Variants in MUCL1 observed in about 807,000 individuals in gnomAD.
MUCL1 encodes the protein mucin like 1, also known as mucin-like protein 1.
A neutral mutation model predicts 9.2 loss-of-function variants in MUCL1; 11 were observed. That is an observed-to-expected ratio of 1.19 (90% confidence interval 0.75 to 1.97). MUCL1 has a LOEUF of 1.97. Among genes scored for constraint, MUCL1 ranks in the 30% most tolerant of loss-of-function variants. The pLI, the probability that MUCL1 is intolerant of heterozygous loss-of-function variation, is 0.00. For synonymous variants in MUCL1, 48 were observed against 40.5 expected, an observed-to-expected ratio of 1.19 and a Z score of -0.71; for missense variants, 144 against 110.9, an observed-to-expected ratio of 1.30 and a Z score of -1.34.
chr12:54,837,980 T>C (rs894622978), upstream of MUCL1, among the ~76,000 whole-genome samples: 7 of 152,218 alleles, frequency 4.6e-5, no homozygotes, highest in African/African-American at 1.7e-4. Context: ...ATATTGATTG[T>C]TACCTTGATA....
upstream of MUCL1, among the ~76,000 whole-genome samples, chr12:54,838,495 T>C (rs1039051690): frequency 2.0e-5 from 3 of 152,220 alleles, no homozygotes; most frequent in African/African-American, 7.2e-5. Context: ...CCAGGGAAGC[T>C]TTCCTCAATT....
chr12:54,848,765 T>C (rs1959293475), intron 1 of MUCL1, among the ~76,000 whole-genome samples: 1 of 152,172 alleles, frequency 6.6e-6, no homozygotes, highest in African/African-American at 2.4e-5. Context: ...TGAGATAACC[T>C]TTACTACTTG....
intron 1 of MUCL1, among the ~76,000 whole-genome samples, chr12:54,844,368 T>G (rs1247573736): frequency 6.6e-6 from 1 of 152,302 alleles, no homozygotes; most frequent in East Asian, 1.9e-4. Flanking sequence ...TGAGGAACAA[T>G]GCCCTTATGA....
At chr12:54,857,944 G>C (rs919891157) in intron 3 of MUCL1, among the ~76,000 whole-genome samples, 1 of 152,102 alleles carries the variant, frequency 6.6e-6, no homozygotes, top group South Asian at 2.1e-4. Context: ...AAACTCATAC[G>C]TATTGACTTT....
chr12:54,856,963 A>T, intron 3 of MUCL1, 71 bp downstream of exon 3: 1 of 1,602,182 alleles, frequency 6.2e-7, no homozygotes. Flanking sequence ...CTATTCTCAC[A>T]GAGACTCTAT....
At chr12:54,852,902 C>G (rs957967237), upstream of MUCL1, among the ~76,000 whole-genome samples, 1 of 151,876 alleles carries the variant, frequency 6.6e-6, no homozygotes, top group African/African-American at 2.4e-5. Context: ...TTTTTCTTAG[C>G]GTTATTTATG....
Position 54,857,231 on chromosome 12 carries a change from AGTGTGTGTGT to A in MUCL1, c.223+368_223+377del, listed in dbSNP as rs34504933. ...TTATTATTATTTTTTTAAATCAGGT[AGTGTGTGTGT>A]GTGTGTGTGTGTGTGTGTGTGTGTG... On this transcript the variant is annotated intron_variant, in intron 3 of 3. Transcript: ENST00000308796. Among the ~76,000 whole-genome samples, 998 of 142,552 alleles carry A rather than the reference AGTGTGTGTGT, an allele frequency of 7.0e-3. 7 individuals are homozygous for A. Among genetic ancestry groups the A allele is most frequent in the African/African-American group, 0.024 (933 of 39,134 alleles). The allele number at this position is 142,552 out of a possible 152,430, so 93.5% of individuals were successfully genotyped here.
intron 1 of MUCL1, among the ~76,000 whole-genome samples, chr12:54,847,680 G>T (rs892889776): frequency 3.3e-5 from 5 of 152,126 alleles, no homozygotes; most frequent in Non-Finnish European, 5.9e-5. Flanking sequence ...CAAATATCAG[G>T]CAATAATGGG....
intron 1 of MUCL1, among the ~76,000 whole-genome samples, chr12:54,849,185 C>T (rs572025886): frequency 6.6e-6 from 1 of 152,152 alleles, no homozygotes; most frequent in Admixed American, 6.5e-5. Context: ...TGTGTACAAA[C>T]ACAAATATAT....
chr12:54,858,257 G>T lies in MUCL1; in HGVS notation c.*15G>T. On this transcript the variant is annotated 3_prime_UTR_variant, in exon 4 of 4. Coordinates refer to ENST00000308796, the MANE Select transcript of MUCL1 (RefSeq NM_058173.3). ...TGTGTCCCTGAGATGGAATCAGCTTGAGTCTTCTGCAATTGGTCACAACTA... is the reference window on the plus strand; with the variant it reads ...TGTGTCCCTGAGATGGAATCAGCTTTAGTCTTCTGCAATTGGTCACAACTA... 6.2e-7 allele frequency: 1 copy of T among 1,613,372 alleles called. No homozygotes were observed. The highest frequency in any genetic ancestry group is 8.5e-7 in the Non-Finnish European group (1 of 1,179,506).
intron 3 of MUCL1, 114 bp downstream of exon 3, chr12:54,857,006 G>A (rs751145875): frequency 1.4e-6 from 2 of 1,461,424 alleles, no homozygotes; most frequent in East Asian, 2.3e-5. Context: ...TCTTTACATT[G>A]TTCTCTAAAT....
chr12:54,836,534 C>G (rs1358874880), upstream of MUCL1, among the ~76,000 whole-genome samples: 1 of 152,120 alleles, frequency 6.6e-6, no homozygotes, highest in African/African-American at 2.4e-5. Flanking sequence ...GTCAAAGAAA[C>G]AACTTTTTGT....
upstream of MUCL1, among the ~76,000 whole-genome samples, chr12:54,850,734 C>A (rs943677344): frequency 3.3e-5 from 5 of 152,204 alleles, no homozygotes; most frequent in Non-Finnish European, 7.3e-5. Context: ...GGAATTGCCA[C>A]ACTGACTTCC....
chr12:54,833,226 C>A (rs1480099846), intron 1 of MUCL1, among the ~76,000 whole-genome samples: 1 of 152,000 alleles, frequency 6.6e-6, no homozygotes, highest in African/African-American at 2.4e-5. Context: ...ACACATCCAA[C>A]CTTTTGAAAT....
At chr12:54,842,855 A>G (rs1452244230) in intron 1 of MUCL1, among the ~76,000 whole-genome samples, 1 of 152,126 alleles carries the variant, frequency 6.6e-6, no homozygotes, top group Non-Finnish European at 1.5e-5. Context: ...GTCATGCACC[A>G]TGCAACAGTG....
intron 3 of MUCL1, among the ~76,000 whole-genome samples, chr12:54,857,881 T>G (rs1354685329): frequency 8.5e-5 from 13 of 152,122 alleles, no homozygotes; most frequent in Non-Finnish European, 1.9e-4. Context: ...AGTGAGAAAA[T>G]GGCTTTTCTC....
chr12:54,844,771 C>T (rs896300547), intron 1 of MUCL1, among the ~76,000 whole-genome samples: 2 of 152,148 alleles, frequency 1.3e-5, no homozygotes, highest in African/African-American at 4.8e-5. Context: ...TTCTTTCTTG[C>T]AATTTGTCCA....
intron 3 of MUCL1, among the ~76,000 whole-genome samples, chr12:54,857,231 A>AGTGT (rs34504933): frequency 0.044 from 6,234 of 142,482 alleles, 175 homozygotes; most frequent in African/African-American, 0.08. Flanking sequence ...TAAATCAGGT[A>AGTGT]GTGTGTGTGT....
rs755254130 is a variant in MUCL1, at chr12:54,855,139, G to A, written c.82G>A (p.Ala28Thr). The A allele has an allele frequency of 6.2e-7, 1 of 1,613,306 alleles. No individual in the cohort carries two copies. The highest frequency in any genetic ancestry group is 8.5e-7 in the Non-Finnish European group (1 of 1,179,622). Residue 28 changes from alanine (A) to threonine (T), a missense_variant, in exon 2 of 4, where the codon GCT becomes ACT. Ala to Thr is a moderately conservative substitution (Grantham distance 58). Transcript: ENST00000308796. ...AGAGAATCCGACAACAGCTGCTCCA[G>A]CTGACACGTATCCAGCTAGTGAGTC... ...SAQNPTTAAPADTYPATGPAD... is the reference protein window; with the variant it reads ...SAQNPTTAAPTDTYPATGPAD...
Sources: allele counts gnomAD v4.1 joint callset (sites outside exome capture counted in the v4.1 genomes callset), GRCh38; gene constraint gnomAD v4.1.1; transcripts MANE v1.5; gene names NCBI Gene and HGNC (gene_info 2026-07-23, HGNC 2026-07-21).